Variants in INSR observed in about 807,000 individuals in gnomAD.
INSR encodes the protein insulin receptor, also known as IR.
A neutral mutation model predicts 142.6 loss-of-function variants in INSR; 67 were observed. The observed-to-expected ratio is 0.47, with a 90% CI of 0.39 to 0.58. The LOEUF is 0.58. Ranked by LOEUF, INSR falls within the 20% of genes least tolerant of loss-of-function variation. INSR has a pLI of 0.00. For missense variants in INSR, 1,248 were observed against 1,833.2 expected, an observed-to-expected ratio of 0.68 and a Z score of 5.83; for synonymous variants, 756 against 743.1, an observed-to-expected ratio of 1.02 and a Z score of -0.28.
chr19:7,241,715 G>C (rs1056755802), intron 2 of INSR, among the ~76,000 whole-genome samples: 1 of 152,126 alleles, frequency 6.6e-6, no homozygotes, highest in African/African-American at 2.4e-5. Flanking sequence ...TGGTTGTCAT[G>C]ACTTGGGGTT....
chr19:7,266,231 C>T (rs977546159), intron 2 of INSR, among the ~76,000 whole-genome samples: 6 of 152,080 alleles, frequency 3.9e-5, no homozygotes, highest in African/African-American at 1.4e-4. Context: ...TGGCCGTTGG[C>T]ACAACATTTC....
rs1029295119 is a variant in INSR, at chr19:7,154,744, C to T, written c.2030-1817G>A. Among the ~76,000 whole-genome samples, 4 of 151,558 alleles carry T rather than the reference C, an allele frequency of 2.6e-5. No individual in the cohort carries two copies. In the East Asian group the frequency reaches 6.0e-4, roughly 23 times the overall value. Reference sequence around the variant, plus strand: ...GTCCGGACCATCCTAGCCAACATGGCGAAACCCCGTCTCTACTCAAAATAC... The same window carrying T: ...GTCCGGACCATCCTAGCCAACATGGTGAAACCCCGTCTCTACTCAAAATAC... On this transcript the variant is annotated intron_variant, in intron 9 of 21. Coordinates refer to ENST00000302850, the MANE Select transcript of INSR (RefSeq NM_000208.4).
At chr19:7,201,667 C>CTTTTTT (rs570519539) in intron 2 of INSR, among the ~76,000 whole-genome samples, 4,357 of 127,734 alleles carry the variant, frequency 0.034, 255 homozygotes, top group African/African-American at 0.098. Flanking sequence ...TATTTTCATT[C>CTTTTTT]TTTTTTTTTT....
At chr19:7,250,070 G>A (rs958998390) in intron 2 of INSR, among the ~76,000 whole-genome samples, 4 of 151,954 alleles carry the variant, frequency 2.6e-5, no homozygotes, top group African/African-American at 4.8e-5. Flanking sequence ...GAGGTGGGAG[G>A]ATGGCTTGAG....
intron 2 of INSR, among the ~76,000 whole-genome samples, chr19:7,197,516 G>GGGGGTGTGTGTGT (rs1974790392): frequency 2.8e-5 from 2 of 70,856 alleles, no homozygotes; most frequent in African/African-American, 1.2e-4. Context: ...TGGGAGTGGG[G>GGGGGTGTGTGTGT]GTGTGTGTGT....
rs66587318 is a variant in INSR, at chr19:7,119,843, AACAC to A, written c.3660-264_3660-261del. On this transcript the variant is annotated intron_variant, in intron 20 of 21. Coordinates refer to ENST00000302850, the MANE Select transcript of INSR (RefSeq NM_000208.4). The surrounding 1 kb of genome is among the most constrained non-coding windows in gnomAD (Gnocchi z 5.2). ...ATACACACACAAACACACACACCCA[AACAC>A]ACACACGCACACACATGCAAACACA... is the stretch of plus-strand genomic sequence containing the variant. Among the ~76,000 whole-genome samples, 22,598 of 114,090 alleles carry A rather than the reference AACAC, an allele frequency of 0.2. 1,739 individuals carry two copies. The highest frequency in any genetic ancestry group is 0.23 in the African/African-American group (7,759 of 34,190). 74.8% of individuals were successfully genotyped at this position (114,090 alleles called of 152,430 possible). A position where few individuals can be genotyped will look rare whatever the true frequency, so the allele number is the denominator to read the frequency against.
chr19:7,285,866 G>A (rs1038454884), intron 1 of INSR, among the ~76,000 whole-genome samples: 2 of 152,128 alleles, frequency 1.3e-5, no homozygotes, highest in African/African-American at 4.8e-5. Flanking sequence ...GGACAACAAC[G>A]AGACTGTTCT....
At chr19:7,194,416 C>CAA (rs1370646816) in intron 2 of INSR, among the ~76,000 whole-genome samples, 2 of 37,982 alleles carry the variant, frequency 5.3e-5, no homozygotes, top group African/African-American at 4.5e-4. Flanking sequence ...GACTTCATCT[C>CAA]AAAAAAAGAA....
chr19:7,199,893 A>G (rs1183663468), intron 2 of INSR, among the ~76,000 whole-genome samples: 4 of 152,106 alleles, frequency 2.6e-5, no homozygotes, highest in Non-Finnish European at 5.9e-5. Context: ...CCAGAGCCAT[A>G]CACACAGTAG....
At chr19:7,241,396 G>T (rs1263178496) in intron 2 of INSR, among the ~76,000 whole-genome samples, 1 of 151,894 alleles carries the variant, frequency 6.6e-6, no homozygotes, top group Non-Finnish European at 1.5e-5. Flanking sequence ...TGCCCAGGCG[G>T]GTGGATCACT....
At chr19:7,165,431 T>A (rs1246791658) in intron 8 of INSR, among the ~76,000 whole-genome samples, 1 of 152,026 alleles carries the variant, frequency 6.6e-6, no homozygotes, top group Non-Finnish European at 1.5e-5. Context: ...GGGAGGCGGC[T>A]AACTATGGGG....
At position 7,193,404 on chromosome 19, in the gene INSR, T is replaced by C. The variant is rs987637892; in HGVS notation, c.653-8767A>G. ...TCGCGCACCTGTAGTCTCAGCTACA[T>C]GGGAGGCTGAGGCAGGAAAATCACC... On this transcript the variant is annotated intron_variant, in intron 2 of 21. Transcript: ENST00000302850. Among the ~76,000 whole-genome samples, 3 of 151,524 alleles carry C rather than the reference T, an allele frequency of 2.0e-5. No individual in the cohort carries two copies. In the East Asian group the frequency reaches 6.0e-4, roughly 30 times the overall value.
rs556721436 is a variant in INSR at position 7,247,339 on chromosome 19, A to C, written c.652+20006T>G. Among the ~76,000 whole-genome samples, 4 of 152,128 alleles carry C rather than the reference A, an allele frequency of 2.6e-5. No individual in the cohort carries two copies. The South Asian group carries it at 8.3e-4, about 32-fold the overall frequency. On this transcript the variant is annotated intron_variant, in intron 2 of 21. Coordinates refer to ENST00000302850, the MANE Select transcript of INSR (RefSeq NM_000208.4). ...GGAGAAGCCAGGAAGGAGCTGACAC[A>C]TTCCTCATTCTTGGTGACCCACAGA... is the stretch of plus-strand genomic sequence containing the variant.
At chr19:7,187,293 G>A (rs190466638) in intron 2 of INSR, among the ~76,000 whole-genome samples, 1 of 151,988 alleles carries the variant, frequency 6.6e-6, no homozygotes, top group East Asian at 1.9e-4. Flanking sequence ...TGTTGGCCAG[G>A]CTGGTCTCGA....
intron 2 of INSR, among the ~76,000 whole-genome samples, chr19:7,263,278 C>CAA (rs59144562): frequency 7.7e-6 from 1 of 129,932 alleles, no homozygotes; most frequent in Non-Finnish European, 1.6e-5. Context: ...GACTCCATCT[C>CAA]AAAAAAAAAA....
Position 7,195,653 on chromosome 19 carries a change from A to T in INSR, c.653-11016T>A, listed in dbSNP as rs981811440. 8.6e-5 allele frequency among the ~76,000 whole-genome samples: 13 copies of T among 151,128 alleles called. No individual in the cohort carries two copies. In the South Asian group the frequency reaches 1.0e-3, roughly 12 times the overall value. ...TAAGACTCCGCCTCAAAAAAAAATAAAAATAAATAAATAAATAAATAAATA... is the reference window on the plus strand; with the variant it reads ...TAAGACTCCGCCTCAAAAAAAAATATAAATAAATAAATAAATAAATAAATA... On this transcript the variant is annotated intron_variant, in intron 2 of 21. Transcript: ENST00000302850.
In INSR at chr19:7,173,215, G is replaced by A. The variant is rs532236062; in HGVS notation, c.1124-781C>T. 8.5e-5 allele frequency among the ~76,000 whole-genome samples: 13 copies of A among 152,164 alleles called. No individual in the cohort carries two copies. The South Asian group carries it at 2.1e-3, about 24-fold the overall frequency. On this transcript the variant is annotated intron_variant, in intron 4 of 21. Coordinates refer to ENST00000302850, the MANE Select transcript of INSR (RefSeq NM_000208.4). Reference sequence around the variant, plus strand: ...ACAATATCTGTCGATTTACTTATGCGCAAAAATCCATCAAGGTAAGGACTT... The same window carrying A: ...ACAATATCTGTCGATTTACTTATGCACAAAAATCCATCAAGGTAAGGACTT...
At chr19:7,153,592 C>A (rs1187508551) in intron 9 of INSR, among the ~76,000 whole-genome samples, 2 of 151,754 alleles carry the variant, frequency 1.3e-5, no homozygotes, top group African/African-American at 4.8e-5. Flanking sequence ...ATGGTTCACG[C>A]CTGTGGTCCC....
intron 9 of INSR, 102 bp from the exon 10 acceptor site, chr19:7,153,029 C>CACACACCAA: frequency 2.2e-6 from 1 of 462,988 alleles, no homozygotes; most frequent in South Asian, 2.1e-5. Context: ...ACACACACCA[C>CACACACCAA]ACACACACAC....
Sources: allele counts gnomAD v4.1 joint callset (sites outside exome capture counted in the v4.1 genomes callset), GRCh38; gene constraint gnomAD v4.1.1; non-coding constraint Gnocchi (gnomAD v3.1); transcripts MANE v1.5; gene names NCBI Gene and HGNC (gene_info 2026-07-23, HGNC 2026-07-21).